CIITA: variants seen among roughly 807,000 people sequenced by gnomAD.
The protein encoded by CIITA is MHC class II transactivator.
CIITA carries 72 observed loss-of-function variants against 115.1 expected under a neutral mutation model. The ratio of observed to expected loss-of-function variants is 0.63; its 90% CI spans 0.52 to 0.76. The LOEUF (loss-of-function observed/expected upper bound fraction) is 0.76. Among genes scored for constraint, CIITA ranks in the 30% least tolerant of loss-of-function variants. The pLI, the probability that CIITA is intolerant of heterozygous loss-of-function variation, is 0.00. For synonymous variants in CIITA, 763 were observed against 635.6 expected, an observed-to-expected ratio of 1.20 and a Z score of -3.02; for missense variants, 1,617 against 1,463.8, an observed-to-expected ratio of 1.10 and a Z score of -1.71.
At position 10,877,262 on chromosome 16, in the gene CIITA, G is replaced by A. The variant is rs886770396; in HGVS notation, c.-69G>A. 37 of 1,467,068 alleles carry A rather than the reference G, an allele frequency of 2.5e-5. No individual in the cohort carries two copies. Among genetic ancestry groups the A allele is most frequent in the Non-Finnish European group, 3.4e-5 (36 of 1,058,924 alleles). 90.9% of individuals were successfully genotyped at this position (1,467,068 alleles called of 1,614,324 possible). On this transcript the variant is annotated 5_prime_UTR_variant, in exon 1 of 20. An upstream open reading frame in the 5' UTR gains an earlier in-frame stop. Coordinates refer to ENST00000324288, the MANE Select transcript of CIITA (RefSeq NM_000246.4). Reference sequence around the variant, plus strand: ...AGCTGGGCATCCGAAGGCATCCTTGGGGAAGCTGAGGGCACGAGGAGGGGC... The same window carrying A: ...AGCTGGGCATCCGAAGGCATCCTTGAGGAAGCTGAGGGCACGAGGAGGGGC...
At position 10,902,701 on chromosome 16, in the gene CIITA, G is replaced by T. The variant is rs1439869659; in HGVS notation, c.672G>T (p.Glu224Asp). The T allele has an allele frequency of 1.2e-6, 2 of 1,614,108 alleles. No individual in the cohort carries two copies. Among genetic ancestry groups the T allele is most frequent in the African/African-American group, 2.7e-5 (2 of 74,938 alleles). The stretch of plus-strand genomic sequence containing the variant: ...CGTTGAGCTGCCTGAATCTCCCTGA[G>T]GGACCCATCCAGTTTGTCCCCACCA... ...SSSLSCLNLPEGPIQFVPTIS... is the reference protein window; with the variant it reads ...SSSLSCLNLPDGPIQFVPTIS... The change falls in exon 8 of 20, where the codon GAG becomes GAT. Residue 224 changes from glutamate (E) to aspartate (D), a missense_variant. By Grantham distance (45) the Glu-to-Asp change is conservative (BLOSUM62 2). Coordinates refer to ENST00000324288, the MANE Select transcript of CIITA (RefSeq NM_000246.4).
At position 10,901,416 on chromosome 16, in the gene CIITA, C is replaced by T; in HGVS notation, c.437-98C>T. ...ATGGACCCCCAAGACCACTACCCAG[C>T]CTTGAAGTTAAGGCCGTATAGCCTG... On this transcript the variant is annotated intron_variant, in intron 5 of 19. Coordinates refer to ENST00000324288, the MANE Select transcript of CIITA (RefSeq NM_000246.4). This position sits in a 1 kb window ranked among gnomAD's most constrained non-coding sequence, Gnocchi z 6.8. 1 of 1,312,758 alleles carries T rather than the reference C, an allele frequency of 7.6e-7. No individual in the cohort carries two copies. The highest frequency in any genetic ancestry group is 1.7e-5 in the Admixed American group (1 of 57,516). 81.3% of individuals were successfully genotyped at this position (1,312,758 alleles called of 1,614,324 possible).
Position 10,910,190 on chromosome 16 carries a change from C to T in CIITA, c.2819C>T (p.Thr940Met), listed in dbSNP as rs764478189. 8.7e-5 allele frequency: 141 copies of T among 1,613,716 alleles called. No homozygotes were observed. The highest frequency in any genetic ancestry group is 1.6e-4 in the East Asian group (7 of 44,886). ...CTAACATTGCCTGTTCTCTCCAGGACGAGAAGTTCCTCGGAAGACACAGCT... is the reference window on the plus strand; with the variant it reads ...CTAACATTGCCTGTTCTCTCCAGGATGAGAAGTTCCTCGGAAGACACAGCT... The part of the protein sequence containing the change: ...DLGKLVQTQR[T>M]RSSSEDTAGE... The change falls in exon 13 of 20, where the codon ACG (threonine) becomes ATG (methionine). Residue 940 changes from threonine to methionine, a missense_variant and splice_region_variant. Physicochemically the swap from Thr to Met is moderately conservative, Grantham distance 81. Transcript: ENST00000324288.
Position 10,916,418 on chromosome 16 carries a change from C to G in CIITA, c.3021C>G (p.Leu1007=). 1 of 1,613,558 alleles carries G rather than the reference C, an allele frequency of 6.2e-7. No individual in the cohort carries two copies. Among genetic ancestry groups the G allele is most frequent in the South Asian group, 1.1e-5 (1 of 90,906 alleles). The part of the protein sequence containing the change: ...NKIGDEGVSQ[L]SATFPQLKSL... ...TCGGGGACGAGGGTGTCTCGCAGCTCTCAGCCACCTTCCCCCAGCTGAAGT... is the reference window on the plus strand; with the variant it reads ...TCGGGGACGAGGGTGTCTCGCAGCTGTCAGCCACCTTCCCCCAGCTGAAGT... The change falls in exon 15 of 20, where the codon CTC becomes CTG. Residue 1007 remains leucine, a synonymous_variant. Transcript: ENST00000324288.
At position 10,907,537 on chromosome 16, in the gene CIITA, C is replaced by T. The variant is rs2039256611; in HGVS notation, c.2045C>T (p.Ser682Phe). 2 of 1,614,176 alleles carry T rather than the reference C, an allele frequency of 1.2e-6. No homozygotes were observed. Among genetic ancestry groups the T allele is most frequent in the East Asian group, 2.2e-5 (1 of 44,868 alleles). Reference protein sequence around the residue: ...QSTLQEDQFPSADVRTWAMAK... With the variant: ...QSTLQEDQFPFADVRTWAMAK... ...ACCCTACAGGAGGACCAGTTCCCAT[C>T]CGCAGACGTGAGGACCTGGGCGATG... The change falls in exon 11 of 20, where the codon TCC (serine) becomes TTC (phenylalanine). Residue 682 changes from serine to phenylalanine, a missense_variant. By Grantham distance (155) the Ser-to-Phe change is radical. Coordinates refer to ENST00000324288, the MANE Select transcript of CIITA (RefSeq NM_000246.4). This position sits in a 1 kb window ranked among gnomAD's most constrained non-coding sequence, Gnocchi z 5.0.
At chr16:10,910,639 A>T (rs1487965839) in intron 13 of CIITA, among the ~76,000 whole-genome samples, 1 of 152,196 alleles carries the variant, frequency 6.6e-6, no homozygotes, top group Admixed American at 6.5e-5. Context: ...AGGATAAGGA[A>T]TGAGCTGAGT....
intron 1 of CIITA, among the ~76,000 whole-genome samples, chr16:10,882,954 A>C (rs2036573982): frequency 6.6e-6 from 1 of 152,210 alleles, no homozygotes; most frequent in South Asian, 2.1e-4. Flanking sequence ...CCCTGAATAG[A>C]ATCACTGGGG....
chr16:10,939,378 G>C (rs1010525417), downstream of CIITA: 1 of 152,190 alleles, frequency 6.6e-6, no homozygotes, highest in Non-Finnish European at 1.5e-5. The surrounding 1 kb of genome is among the most constrained non-coding windows in gnomAD (Gnocchi z 4.9). Flanking sequence ...CTCCTGCCTA[G>C]AACCTTCCAA....
At chr16:10,914,796 T>A (rs2039835737) in intron 13 of CIITA, among the ~76,000 whole-genome samples, 1 of 152,200 alleles carries the variant, frequency 6.6e-6, no homozygotes, top group African/African-American at 2.4e-5. Context: ...GGGAAGGGCC[T>A]AGCATGCCCC....
At chr16:10,894,409 C>G (rs1029704113) in intron 1 of CIITA, among the ~76,000 whole-genome samples, 5 of 151,936 alleles carry the variant, frequency 3.3e-5, no homozygotes, top group African/African-American at 1.2e-4. Flanking sequence ...TTGAATTATC[C>G]TTCTGTGAAC....
At position 10,923,143 on chromosome 16, in the gene CIITA, G is replaced by A; in HGVS notation, c.3318-85G>A. 1 of 1,114,958 alleles carries A rather than the reference G, an allele frequency of 9.0e-7. No homozygotes were observed. The allele number at this position is 1,114,958 out of a possible 1,614,324, so 69.1% of individuals were successfully genotyped here. Reference sequence around the variant, plus strand: ...CCCCAACGTTCTAGGCTGGGTGGAAGGAGGGATTTGGGGGCAGCTGTCACT... The same window carrying A: ...CCCCAACGTTCTAGGCTGGGTGGAAAGAGGGATTTGGGGGCAGCTGTCACT... On this transcript the variant is annotated intron_variant, in intron 18 of 19. Transcript: ENST00000324288. The surrounding 1 kb of genome is among the most constrained non-coding windows in gnomAD (Gnocchi z 5.2).
At chr16:10,917,766 C>T (rs967258456) in intron 15 of CIITA, among the ~76,000 whole-genome samples, 1 of 152,204 alleles carries the variant, frequency 6.6e-6, no homozygotes, top group African/African-American at 2.4e-5. Flanking sequence ...CGGCATGAGC[C>T]ACCACGCCCA....
chr16:10,942,378 C>A lies in CIITA; in HGVS notation n.1504C>A. On this transcript the variant is annotated non_coding_transcript_exon_variant, in exon 2 of 2. Coordinates refer to the CIITA transcript ENST00000573379. The surrounding 1 kb of genome is among the most constrained non-coding windows in gnomAD (Gnocchi z 5.0). The stretch of plus-strand genomic sequence containing the variant: ...CCGGTCCCGGCAGCCTTCTCTCCCG[C>A]CCCGCCCCGCAGGTCCTCGCGCACC... 1 of 175,766 alleles carries A rather than the reference C, an allele frequency of 5.7e-6. No individual in the cohort carries two copies. The highest frequency in any genetic ancestry group is 1.2e-5 in the Non-Finnish European group (1 of 82,884). 10.9% of individuals were successfully genotyped at this position (175,766 alleles called of 1,614,324 possible). A position where few individuals can be genotyped will look rare whatever the true frequency, so the allele number is the denominator to read the frequency against.
At chr16:10,908,972 C>T in intron 11 of CIITA, 57 bp from the exon 12 acceptor site, 2 of 1,612,304 alleles carry the variant, frequency 1.2e-6, no homozygotes, top group Non-Finnish European at 1.7e-6. Context: ...TGGAGCTGCC[C>T]TTCCATTAAG....
At chr16:10,908,893 A>C in intron 11 of CIITA, 136 bp from the exon 12 acceptor site, 1 of 1,284,840 alleles carries the variant, frequency 7.8e-7, no homozygotes, top group South Asian at 1.2e-5. Flanking sequence ...TGGTCATGGA[A>C]GGCTTTCTGG....
At chr16:10,895,940 T>C (rs2038083159) in intron 3 of CIITA, among the ~76,000 whole-genome samples, 176 bp downstream of exon 3, 1 of 152,024 alleles carries the variant, frequency 6.6e-6, no homozygotes, top group South Asian at 2.1e-4. Flanking sequence ...AGAGGGGAGA[T>C]GGAGGCCAGT....
At position 10,907,794 on chromosome 16, in the gene CIITA, C is replaced by T. The variant is rs200144896; in HGVS notation, c.2302C>T (p.Arg768Cys). The T allele has an allele frequency of 1.2e-5, 19 of 1,614,174 alleles. No individual in the cohort carries two copies. The highest frequency in any genetic ancestry group is 2.2e-5 in the East Asian group (1 of 44,884). Reference protein sequence around the residue: ...LAGLIFQPPARCLGALLGPSA... With the variant: ...LAGLIFQPPACCLGALLGPSA... The stretch of plus-strand genomic sequence containing the variant: ...TGGGCTGATCTTCCAGCCTCCCGCC[C>T]GCTGCCTGGGAGCCCTACTCGGGCC... Residue 768 changes from arginine to cysteine, a missense_variant, in exon 11 of 20, where the codon CGC becomes TGC. Coordinates refer to ENST00000324288, the MANE Select transcript of CIITA (RefSeq NM_000246.4). This position sits in a 1 kb window ranked among gnomAD's most constrained non-coding sequence, Gnocchi z 5.0.
At chr16:10,922,934 A>G (rs2040354057) in intron 18 of CIITA, 1 of 529,512 alleles carries the variant, frequency 1.9e-6, no homozygotes, top group Non-Finnish European at 3.4e-6. Flanking sequence ...CTCTTCTAAG[A>G]CGCACAGGGT....
upstream of CIITA, among the ~76,000 whole-genome samples, chr16:10,873,201 T>G (rs1300423333): frequency 6.6e-6 from 1 of 152,178 alleles, no homozygotes; most frequent in Non-Finnish European, 1.5e-5. Flanking sequence ...CTCAAACTTC[T>G]GGGCTCAAGC....
Sources: gnomAD v4.1 joint callset for allele counts (sites outside exome capture counted in the v4.1 genomes callset) on GRCh38, gnomAD v4.1.1 for gene constraint, Gnocchi (gnomAD v3.1) non-coding constraint, MANE v1.5 for transcripts, NCBI Gene and HGNC (gene_info 2026-07-23, HGNC 2026-07-21) for gene names.